The following TMEM260 variants were observed in gnomAD, a reference collection of about 807,000 sequenced individuals.
TMEM260 encodes the protein protein O-mannosyl-transferase TMEM260.
In TMEM260, 82 loss-of-function variants were observed where a neutral mutation model predicts 88.9. That is an observed-to-expected ratio of 0.92 (90% CI 0.77 to 1.11). The LOEUF (loss-of-function observed/expected upper bound fraction) is 1.11, where lower values mean the gene tolerates loss of function less well. Ranked by LOEUF, TMEM260 falls within the 50% of genes least tolerant of loss-of-function variation. The pLI, the probability that TMEM260 is intolerant of heterozygous loss-of-function variation, is 0.00. For synonymous variants in TMEM260, 314 were observed against 309.3 expected, an observed-to-expected ratio of 1.02 and a Z score of -0.16; for missense variants, 902 against 853.4, an observed-to-expected ratio of 1.06 and a Z score of -0.71.
At chr14:56,630,062 A>G (rs1222438473) in intron 12 of TMEM260, among the ~76,000 whole-genome samples, 2 of 152,074 alleles carry the variant, frequency 1.3e-5, no homozygotes, top group African/African-American at 4.8e-5. Context: ...AAGAAGAAAA[A>G]AAAAAGTAAG....
intron 12 of TMEM260, 38 bp downstream of exon 12, chr14:56,625,568 T>G: frequency 5.9e-6 from 9 of 1,529,134 alleles, no homozygotes; most frequent in South Asian, 1.2e-5. Context: ...TTCTAAAATC[T>G]TAAGCTTTTC....
In TMEM260 at chr14:56,636,515, ACACCGTTCTTCATCT is replaced by A; in HGVS notation, c.1787_1801del (p.Thr596_Phe601delinsIle). ...TCCTATCCCCACCCCCAGGATGAAA[ACACCGTTCTTCATCT>A]TTAACCTGGCAGAAACTGCTCACAT... On this transcript the variant is annotated inframe_deletion, in exon 15 of 16. Coordinates refer to ENST00000261556, the MANE Select transcript of TMEM260 (RefSeq NM_017799.4). 2 of 1,614,034 alleles carry A rather than the reference ACACCGTTCTTCATCT, an allele frequency of 1.2e-6. No individual in the cohort carries two copies. Among genetic ancestry groups the A allele is most frequent in the South Asian group, 1.1e-5 (1 of 91,080 alleles).
chr14:56,630,147 C>G (rs1053928193), intron 12 of TMEM260, among the ~76,000 whole-genome samples: 7 of 151,670 alleles, frequency 4.6e-5, no homozygotes, highest in Non-Finnish European at 1.0e-4. Flanking sequence ...TAGGTGAAAT[C>G]TATTGTTTTT....
chr14:56,659,657 CG>C, the TMEM260 span, among the ~76,000 whole-genome samples: 1 of 152,116 alleles, frequency 6.6e-6, no homozygotes, highest in South Asian at 2.1e-4. Context: ...AGGATCTAGT[CG>C]GGGATTATTC....
chr14:56,587,852 A>G (rs1265096419), intron 3 of TMEM260, among the ~76,000 whole-genome samples: 1 of 152,086 alleles, frequency 6.6e-6, no homozygotes, highest in Admixed American at 6.5e-5. Flanking sequence ...AGCCATCTCT[A>G]TGGTAATAGG....
intron 7 of TMEM260, chr14:56,612,557 T>C (rs972531610): frequency 4.7e-6 from 2 of 427,478 alleles, no homozygotes; most frequent in Non-Finnish European, 8.4e-6. Flanking sequence ...TTACATCCTC[T>C]TGTATACTTT....
intron 9 of TMEM260, among the ~76,000 whole-genome samples, chr14:56,617,565 T>C (rs935693610): frequency 4.6e-5 from 7 of 152,190 alleles, no homozygotes; most frequent in African/African-American, 4.8e-5. Flanking sequence ...CTTGCAAATA[T>C]AGGTACAACT....
Position 56,631,677 on chromosome 14 carries a change from T to C in TMEM260, c.1548-1318T>C, listed in dbSNP as rs529611586. 1.1e-4 allele frequency among the ~76,000 whole-genome samples: 17 copies of C among 151,846 alleles called. 1 individual carries two copies. The South Asian group carries it at 3.5e-3, about 32-fold the overall frequency. On this transcript the variant is annotated intron_variant, in intron 12 of 15. Coordinates refer to ENST00000261556, the MANE Select transcript of TMEM260 (RefSeq NM_017799.4). ...GTGTTTACTGGAGTTGTATGCATGC[T>C]CACTTGTGTTATTCCCTCACTGGTG...
chr14:56,590,602 T>C (rs547477268), intron 3 of TMEM260, among the ~76,000 whole-genome samples: 1 of 152,336 alleles, frequency 6.6e-6, no homozygotes, highest in East Asian at 1.9e-4. Context: ...TACTCTGCTT[T>C]TCCCAGAAAG....
Position 56,612,267 on chromosome 14 carries a change from G to C in TMEM260, c.839G>C (p.Ser280Thr), listed in dbSNP as rs768202821. 4 of 1,613,506 alleles carry C rather than the reference G, an allele frequency of 2.5e-6. No homozygotes were observed. Among genetic ancestry groups the C allele is most frequent in the Non-Finnish European group, 8.5e-7 (1 of 1,179,656 alleles). The change falls in exon 7 of 16, where the codon AGT becomes ACT. Residue 280 changes from serine (S) to threonine (T), a missense_variant. Ser to Thr is a moderately conservative substitution (Grantham distance 58). Transcript: ENST00000261556. ...TAGGCCAAATCTGAAATAGGATCCA[G>C]TATGTCTGAAATACTGCTGTGAGTA... ...FSLAKSEIGS[S>T]MSEILLSQVT...
chr14:56,617,806 C>T (rs1355714262), intron 9 of TMEM260, among the ~76,000 whole-genome samples: 2 of 152,056 alleles, frequency 1.3e-5, no homozygotes, highest in African/African-American at 4.8e-5. Context: ...ACAAAGTCTG[C>T]GTATGTGTGT....
chr14:56,626,375 G>A (rs1393068025), intron 12 of TMEM260, among the ~76,000 whole-genome samples: 1 of 152,102 alleles, frequency 6.6e-6, no homozygotes, highest in Non-Finnish European at 1.5e-5. Flanking sequence ...ACATCCCCAA[G>A]TTGGCATTTT....
intron 1 of TMEM260, among the ~76,000 whole-genome samples, chr14:56,584,299 A>G (rs1885345265): frequency 6.6e-6 from 1 of 152,146 alleles, no homozygotes; most frequent in Admixed American, 6.5e-5. Context: ...ACTACAATGT[A>G]CAGGGATGAG....
At position 56,633,237 on chromosome 14, in the gene TMEM260, T is replaced by G. The variant is rs557747236; in HGVS notation, c.1724+66T>G. The stretch of plus-strand genomic sequence containing the variant: ...AGTTTTGAATACCCAAAAAAACTAC[T>G]ACATTTTGAGATGCCTTCTAATTTT... On this transcript the variant is annotated intron_variant, in intron 13 of 15. Coordinates refer to ENST00000261556, the MANE Select transcript of TMEM260 (RefSeq NM_017799.4). 198 of 1,366,596 alleles carry G rather than the reference T, an allele frequency of 1.4e-4. No homozygotes were observed. The African/African-American group carries it at 2.5e-3, about 18-fold the overall frequency. The allele number at this position is 1,366,596 out of a possible 1,614,324, so 84.7% of individuals were successfully genotyped here.
chr14:56,585,708 G>A lies in TMEM260; in HGVS notation c.193-53G>A, dbSNP rs1885450175. On this transcript the variant is annotated intron_variant, in intron 2 of 15. Coordinates refer to ENST00000261556, the MANE Select transcript of TMEM260 (RefSeq NM_017799.4). ...GCTACTTTTCAATTAAGGCCTGTGG[G>A]ACTCTTCCTTTCCTAGATGAAAACC... is the stretch of plus-strand genomic sequence containing the variant. 4.5e-6 allele frequency: 7 copies of A among 1,570,232 alleles called. No homozygotes were observed. In the East Asian group the frequency reaches 1.6e-4, roughly 35 times the overall value.
At chr14:56,580,505 C>A (rs1264847602) in intron 1 of TMEM260, among the ~76,000 whole-genome samples, 1 of 152,152 alleles carries the variant, frequency 6.6e-6, no homozygotes, top group Non-Finnish European at 1.5e-5. Context: ...GAATAAACAG[C>A]ATATTCACTG....
intron 15 of TMEM260, among the ~76,000 whole-genome samples, chr14:56,640,782 C>T (rs917193590): frequency 6.6e-6 from 1 of 152,056 alleles, no homozygotes; most frequent in African/African-American, 2.4e-5. Context: ...CTAGAATAAC[C>T]AATGCAGAGA....
chr14:56,621,786 G>A (rs1038970515), intron 11 of TMEM260, 84 bp downstream of exon 11: 3 of 1,191,144 alleles, frequency 2.5e-6, no homozygotes, highest in East Asian at 5.0e-5. Flanking sequence ...TAAAATGGTG[G>A]ACGGGTACAG....
chr14:56,598,023 T>C (rs1886352550), intron 3 of TMEM260, among the ~76,000 whole-genome samples: 1 of 152,154 alleles, frequency 6.6e-6, no homozygotes. Context: ...TGTACCATAG[T>C]TGGTTGGAGA....
Sources: gnomAD v4.1 joint callset for allele counts (sites outside exome capture counted in the v4.1 genomes callset) on GRCh38, gnomAD v4.1.1 for gene constraint, MANE v1.5 for transcripts, NCBI Gene and HGNC (gene_info 2026-07-23, HGNC 2026-07-21) for gene names.